Variants in CTU2 observed in about 807,000 individuals in gnomAD.
CTU2 encodes cytoplasmic tRNA 2-thiolation protein 2.
CTU2 carries 80 observed loss-of-function variants against 64.1 expected under a neutral mutation model. The ratio of observed to expected loss-of-function variants is 1.25; its 90% CI spans 1.04 to 1.50. The LOEUF is 1.50. Ranked by LOEUF, CTU2 falls within the 40% of genes most tolerant of loss-of-function variation. CTU2 has a pLI of 0.00. For missense variants in CTU2, 1,110 were observed against 690.2 expected (o/e 1.61, Z -6.81); for synonymous variants, 482 against 285.3 (o/e 1.69, Z -6.95).
rs947794707 is a variant in CTU2 at position 88,713,785 on chromosome 16, C to T, written c.1005+7C>T. The T allele has an allele frequency of 6.2e-7, 1 of 1,612,372 alleles. No homozygotes were observed. The highest frequency in any genetic ancestry group is 8.5e-7 in the Non-Finnish European group (1 of 1,179,638). Reference sequence around the variant, plus strand: ...ACCAGCCGTCGACACCAAGGTGGGCCTTGTGGGCTGGGCAACCTCTCTCAC... The same window carrying T: ...ACCAGCCGTCGACACCAAGGTGGGCTTTGTGGGCTGGGCAACCTCTCTCAC... On this transcript the variant is annotated splice_region_variant and intron_variant, in intron 9 of 14. Transcript: ENST00000453996.
chr16:88,711,570 C>A, intron 4 of CTU2, 65 bp from the exon 5 acceptor site: 1 of 1,445,370 alleles, frequency 6.9e-7, no homozygotes, highest in Non-Finnish European at 9.4e-7. Flanking sequence ...GAAGAATGTT[C>A]TGAGCTGGAA....
rs1373465144 is a variant in CTU2, at chr16:88,713,317, A to C, written c.743A>C (p.His248Pro). ...TGAGACGCTCTGTGCTTTAGGACCCACCTGATCCTCCACATGGCCCGAGCC... is the reference window on the plus strand; with the variant it reads ...TGAGACGCTCTGTGCTTTAGGACCCCCCTGATCCTCCACATGGCCCGAGCC... Reference protein sequence around the residue: ...KEELLQTLRTHLILHMARAHG... With the variant: ...KEELLQTLRTPLILHMARAHG... The change falls in exon 8 of 15, where the codon CAC (histidine) becomes CCC (proline). Residue 248 changes from histidine to proline, a missense_variant. Transcript: ENST00000453996. 3.3e-6 allele frequency: 5 copies of C among 1,508,450 alleles called. No homozygotes were observed. The highest frequency in any genetic ancestry group is 4.5e-6 in the Non-Finnish European group (5 of 1,123,138). The allele number at this position is 1,508,450 out of a possible 1,614,324, so 93.4% of individuals were successfully genotyped here.
intron 4 of CTU2, chr16:88,710,525 G>C (rs900637332): frequency 3.8e-6 from 2 of 523,546 alleles, no homozygotes; most frequent in Middle Eastern, 5.0e-4. Flanking sequence ...TCAGAAGCTG[G>C]GTCCACAGCG....
chr16:88,712,728 T>C lies in CTU2; in HGVS notation c.560T>C (p.Val187Ala). The C allele has an allele frequency of 6.2e-7, 1 of 1,609,430 alleles. No individual in the cohort carries two copies. Among genetic ancestry groups the C allele is most frequent in the Non-Finnish European group, 8.5e-7 (1 of 1,178,864 alleles). ...GACAGCTTCCTCCAGCAGCAGCATG[T>C]GCTGGGGGCCGGGGGTGGTCCTGGC... is the stretch of plus-strand genomic sequence containing the variant. The part of the protein sequence containing the change: ...AVDSFLQQQH[V>A]LGAGGGPGPT... The change falls in exon 7 of 15, where the codon GTG becomes GCG. Residue 187 changes from valine (V) to alanine (A), a missense_variant. Val to Ala is a moderately conservative substitution (Grantham distance 64). Transcript: ENST00000453996.
At chr16:88,712,422 C>A (rs755744477) in intron 6 of CTU2, 39 bp downstream of exon 6, 12 of 1,528,516 alleles carry the variant, frequency 7.9e-6, no homozygotes, top group Non-Finnish European at 1.1e-5. Context: ...CCGGAGGTGA[C>A]CCCTGGGGGG....
Position 88,714,238 on chromosome 16 carries a change from G to C in CTU2, c.1097+11G>C. On this transcript the variant is annotated intron_variant, in intron 10 of 14. Transcript: ENST00000453996. ...CAGCACTGTGTACAGGTGTGGGTGT[G>C]TGTGGGTGTGTGCGGGGGGTGCGCG... is the stretch of plus-strand genomic sequence containing the variant. 2 of 1,598,730 alleles carry C rather than the reference G, an allele frequency of 1.3e-6. No individual in the cohort carries two copies. The highest frequency in any genetic ancestry group is 2.2e-5 in the South Asian group (2 of 90,498).
At chr16:88,712,591 G>A (rs747305812) in intron 6 of CTU2, 31 bp from the exon 7 acceptor site, 20 of 1,599,000 alleles carry the variant, frequency 1.3e-5, no homozygotes, top group Admixed American at 1.7e-5. Context: ...CCGTGTCCCG[G>A]GCCTCACTGG....
In CTU2 at chr16:88,712,433, C is replaced by T. The variant is rs771288581; in HGVS notation, c.453+50C>T. The T allele has an allele frequency of 3.3e-6, 5 of 1,494,526 alleles. No homozygotes were observed. In the African/African-American group the frequency reaches 5.5e-5, roughly 17 times the overall value. The allele number at this position is 1,494,526 out of a possible 1,614,324, so 92.6% of individuals were successfully genotyped here. On this transcript the variant is annotated intron_variant, in intron 6 of 14. Coordinates refer to ENST00000453996, the MANE Select transcript of CTU2 (RefSeq NM_001012759.3). ...GGTCCCGGAGGTGACCCCTGGGGGG[C>T]ACCTGCCCGTGTCCCAGCCTCACTG...
chr16:88,715,174 C>G lies in CTU2; in HGVS notation c.1479-8C>G, dbSNP rs1311097857. 10 of 1,611,528 alleles carry G rather than the reference C, an allele frequency of 6.2e-6. No homozygotes were observed. The highest frequency in any genetic ancestry group is 2.7e-5 in the African/African-American group (2 of 74,892). On this transcript the variant is annotated splice_region_variant and splice_polypyrimidine_tract_variant and intron_variant, in intron 14 of 14. Coordinates refer to ENST00000453996, the MANE Select transcript of CTU2 (RefSeq NM_001012759.3). Reference sequence around the variant, plus strand: ...CGGGGCTGGTGCCCACTGCAGCTTTCTCTCTAGGGCCTGGGGCTTGCAGGA... The same window carrying G: ...CGGGGCTGGTGCCCACTGCAGCTTTGTCTCTAGGGCCTGGGGCTTGCAGGA...
chr16:88,712,700 G>C lies in CTU2; in HGVS notation c.532G>C (p.Val178Leu). The change falls in exon 7 of 15, where the codon GTG becomes CTG. Residue 178 changes from valine to leucine, a missense_variant. Transcript: ENST00000453996. ...ATCCGAGGGGGCCTACAAGGCGGCC[G>C]TGGACAGCTTCCTCCAGCAGCAGCA... ...VGSEGAYKAA[V>L]DSFLQQQHVL... 1.9e-6 allele frequency: 3 copies of C among 1,610,364 alleles called. No homozygotes were observed. The highest frequency in any genetic ancestry group is 2.5e-6 in the Non-Finnish European group (3 of 1,179,382).
rs376284035 is a variant in CTU2 at position 88,715,280 on chromosome 16, G to A, written c.*29G>A. 3.1e-6 allele frequency: 5 copies of A among 1,605,254 alleles called. No homozygotes were observed. The South Asian group carries it at 4.4e-5, about 14-fold the overall frequency. ...TGAGGACGTGCTTGCCGGGACAGCA[G>A]GCAGTGGCCACCTGGTACACCACAC... is the stretch of plus-strand genomic sequence containing the variant. On this transcript the variant is annotated 3_prime_UTR_variant, in exon 15 of 15. Coordinates refer to ENST00000453996, the MANE Select transcript of CTU2 (RefSeq NM_001012759.3).
chr16:88,714,878 C>T lies in CTU2; in HGVS notation c.1371C>T (p.Cys457=), dbSNP rs1567653867. 3.1e-6 allele frequency: 5 copies of T among 1,612,652 alleles called. No individual in the cohort carries two copies. The highest frequency in any genetic ancestry group is 2.2e-5 in the East Asian group (1 of 44,886). ...CCCGCAGGGAGGACCCCCAAGCCTG[C>T]ATTGAGGAGCAGCTGTGCTACAGCT... The part of the protein sequence containing the change: ...GACRREDPQA[C]IEEQLCYSCR... Residue 457 remains cysteine (C), a synonymous_variant, in exon 13 of 15, where the codon TGC becomes TGT. Transcript: ENST00000453996.
rs554113222 is a variant in CTU2 at position 88,715,118 on chromosome 16, C to T, written c.1478+12C>T. The T allele has an allele frequency of 6.3e-7, 1 of 1,596,400 alleles. No individual in the cohort carries two copies. Among genetic ancestry groups the T allele is most frequent in the South Asian group, 1.1e-5 (1 of 88,626 alleles). On this transcript the variant is annotated intron_variant, in intron 14 of 14. Transcript: ENST00000453996. The stretch of plus-strand genomic sequence containing the variant: ...CTCCGCACACAGAGGTACTGGGGCC[C>T]ACACTGCCGTGGCGCGTGGGTAAGG...
At chr16:88,713,259 C>T (rs1911504547) in intron 7 of CTU2, 53 bp from the exon 8 acceptor site, 1 of 1,434,188 alleles carries the variant, frequency 7.0e-7, no homozygotes, top group Non-Finnish European at 9.5e-7. Context: ...CCCGAGAGCC[C>T]CCCTTCCCCG....
chr16:88,714,390 G>A lies in CTU2; in HGVS notation c.1105G>A (p.Glu369Lys), dbSNP rs1277697282. The A allele has an allele frequency of 6.2e-7, 1 of 1,612,328 alleles. No individual in the cohort carries two copies. ...CCCACAATCCGGCCACAGGACAAGTGAGAAGCTGGTGAAGGGCCCCCGGGA... is the reference window on the plus strand; with the variant it reads ...CCCACAATCCGGCCACAGGACAAGTAAGAAGCTGGTGAAGGGCCCCCGGGA... ...STVSTVYRTS[E>K]KLVKGPRDGP... Residue 369 changes from glutamate (E) to lysine (K), a missense_variant, in exon 11 of 15, where the codon GAG (glutamate) becomes AAG (lysine). Transcript: ENST00000453996.
At chr16:88,711,570 C>G in intron 4 of CTU2, 65 bp from the exon 5 acceptor site, 10 of 1,445,376 alleles carry the variant, frequency 6.9e-6, no homozygotes, top group Non-Finnish European at 9.4e-6. Context: ...GAAGAATGTT[C>G]TGAGCTGGAA....
At position 88,713,662 on chromosome 16, in the gene CTU2, C is replaced by T. The variant is rs767437996; in HGVS notation, c.889C>T (p.Arg297Trp). The T allele has an allele frequency of 6.2e-6, 10 of 1,612,158 alleles. No homozygotes were observed. The highest frequency in any genetic ancestry group is 3.3e-4 in the Middle Eastern group (2 of 6,074). Residue 297 changes from arginine to tryptophan, a missense_variant, in exon 9 of 15, where the codon CGG (arginine) becomes TGG (tryptophan). Arg to Trp is a moderately radical substitution (Grantham distance 101, BLOSUM62 -3). Transcript: ENST00000453996. ...LAWDTGFSDE[R>W]HGDVVVVRPM... ...CCTCCCGCAGGGCTTCTCGGATGAG[C>T]GGCACGGGGACGTGGTGGTGGTGCG...
rs1374520293 is a variant in CTU2 at position 88,714,607 on chromosome 16, G to T, written c.1222G>T (p.Ala408Ser). Residue 408 changes from alanine to serine, a missense_variant, in exon 12 of 15, where the codon GCT becomes TCT. By Grantham distance (99) the Ala-to-Ser change is moderately conservative (BLOSUM62 1). Coordinates refer to ENST00000453996, the MANE Select transcript of CTU2 (RefSeq NM_001012759.3). ...TGCAGACAGTGCCACGGCTTTTGGG[G>T]CTCAGACCTCCTCGCGTCTCTCCCA... ...DAADSATAFG[A>S]QTSSRLSQMQ... is the part of the protein sequence containing the mutation. 2 of 1,612,506 alleles carry T rather than the reference G, an allele frequency of 1.2e-6. No individual in the cohort carries two copies. The highest frequency in any genetic ancestry group is 1.7e-6 in the Non-Finnish European group (2 of 1,179,906).
intron 1 of CTU2, 59 bp from the exon 2 acceptor site, chr16:88,707,077 C>G (rs1383288343): frequency 1.3e-6 from 2 of 1,559,322 alleles, no homozygotes; most frequent in Non-Finnish European, 1.8e-6. Flanking sequence ...CCAAAGCCCA[C>G]TAGGCGTGGG....
Sources: allele counts gnomAD v4.1 joint callset, GRCh38; gene constraint gnomAD v4.1.1; transcripts MANE v1.5; gene names NCBI Gene and HGNC (gene_info 2026-07-23, HGNC 2026-07-21).